Variants in SCML2 observed in about 807,000 individuals in gnomAD.
SCML2 encodes sex comb on midleg-like protein 2.
SCML2 carries 6 observed loss-of-function variants against 48.4 expected under a neutral mutation model. The ratio of observed to expected loss-of-function variants is 0.12; its 90% CI spans 0.07 to 0.24. The LOEUF is 0.24. Among genes scored for constraint, SCML2 ranks in the 10% least tolerant of loss-of-function variants. SCML2 has a pLI of 1.00. For missense variants in SCML2, 377 were observed against 528.2 expected, an observed-to-expected ratio of 0.71 and a Z score of 2.81; for synonymous variants, 181 against 189.5, an observed-to-expected ratio of 0.95 and a Z score of 0.37.
intron 1 of SCML2, chrX:18,341,409 TCAC>T (rs1423066702): frequency 8.8e-6 from 2 of 227,898 alleles, no homozygotes; most frequent in Non-Finnish European, 1.7e-5. Context: ...GGAGGAAGAA[TCAC>T]CACAAGATGG....
chrX:18,319,481 T>G (rs1929238117), intron 6 of SCML2, among the ~76,000 whole-genome samples: 2 of 107,793 alleles, frequency 1.9e-5, no homozygotes, highest in Non-Finnish European at 1.9e-5. Flanking sequence ...ACGCCTGTAG[T>G]CCCAGCTACT....
At chrX:18,298,250 C>A (rs755360813) in intron 7 of SCML2, among the ~76,000 whole-genome samples, 1 of 111,271 alleles carries the variant, frequency 9.0e-6, no homozygotes, top group East Asian at 2.8e-4. Context: ...TCACTCTTCA[C>A]AGAAATAGAA....
At chrX:18,332,531 A>C (rs775514951) in intron 2 of SCML2, among the ~76,000 whole-genome samples, 7 of 112,332 alleles carry the variant, frequency 6.2e-5, no homozygotes, top group Non-Finnish European at 1.3e-4. Context: ...AAATGATTTC[A>C]ACTGAGTGGT....
At chrX:18,298,985 A>C (rs1230425458) in intron 7 of SCML2, among the ~76,000 whole-genome samples, 1 of 111,807 alleles carries the variant, frequency 8.9e-6, no homozygotes, top group Non-Finnish European at 1.9e-5. Flanking sequence ...ACATTGGTCT[A>C]AGCAAAGATT....
intron 7 of SCML2, among the ~76,000 whole-genome samples, chrX:18,285,237 A>T (rs1928009791): frequency 9.1e-6 from 1 of 110,483 alleles, no homozygotes; most frequent in Non-Finnish European, 1.9e-5. Flanking sequence ...ATTATACCAA[A>T]AAGACACATG....
chrX:18,335,169 G>A (rs748639073), intron 1 of SCML2, among the ~76,000 whole-genome samples: 5 of 109,813 alleles, frequency 4.6e-5, no homozygotes, highest in Non-Finnish European at 7.6e-5. Flanking sequence ...GGTACTTACC[G>A]ACTCTCATCA....
chrX:18,328,619 C>T (rs1929559355), intron 3 of SCML2, among the ~76,000 whole-genome samples: 1 of 111,850 alleles, frequency 8.9e-6, no homozygotes, highest in Admixed American at 9.5e-5. Flanking sequence ...CTGCAATGAG[C>T]CATGATCATG....
intron 5 of SCML2, among the ~76,000 whole-genome samples, chrX:18,320,791 T>C (rs1015952456): frequency 3.6e-5 from 4 of 111,510 alleles, no homozygotes; most frequent in African/African-American, 1.3e-4. Context: ...CTAGCCCCCT[T>C]TTCCTCAGGG....
At chrX:18,265,343 A>T (rs1357376953) in intron 8 of SCML2, among the ~76,000 whole-genome samples, 2 of 112,403 alleles carry the variant, frequency 1.8e-5, no homozygotes, top group African/African-American at 6.5e-5. Context: ...AAATACACCC[A>T]TGTATTAATA....
At chrX:18,330,002 CGG>C (rs1929603666) in intron 3 of SCML2, among the ~76,000 whole-genome samples, 1 of 111,973 alleles carries the variant, frequency 8.9e-6, no homozygotes, top group East Asian at 2.8e-4. Context: ...CGCTTGAACC[CGG>C]AAGGTGGAGG....
At chrX:18,299,268 C>T (rs1482588014) in intron 7 of SCML2, among the ~76,000 whole-genome samples, 1 of 111,313 alleles carries the variant, frequency 9.0e-6, no homozygotes, top group Non-Finnish European at 1.9e-5. Context: ...ATTCCCAGCA[C>T]TTTGGGAGGC....
chrX:18,304,635 A>G (rs1928700307), intron 7 of SCML2, among the ~76,000 whole-genome samples: 1 of 112,211 alleles, frequency 8.9e-6, no homozygotes, highest in Admixed American at 9.4e-5. Context: ...TACCATGTAT[A>G]ATTTTTAATT....
At chrX:18,279,904 T>C (rs189669024) in intron 7 of SCML2, among the ~76,000 whole-genome samples, 15 of 112,161 alleles carry the variant, frequency 1.3e-4, no homozygotes, top group African/African-American at 3.6e-4. Context: ...CTAGCATTTC[T>C]GAGAGAGGAC....
chrX:18,244,549 C>T (rs1244444803), intron 13 of SCML2, among the ~76,000 whole-genome samples: 8 of 111,564 alleles, frequency 7.2e-5, no homozygotes, highest in Non-Finnish European at 1.3e-4. Context: ...ATTGGGCCTA[C>T]ATCTTCAAAA....
At chrX:18,342,906 T>C (rs1930063328) in intron 1 of SCML2, among the ~76,000 whole-genome samples, 2 of 111,266 alleles carry the variant, frequency 1.8e-5, no homozygotes, top group Non-Finnish European at 3.8e-5. Flanking sequence ...CTCAACACAA[T>C]TAAACAATGT....
At chrX:18,317,987 C>A (rs749355353) in intron 6 of SCML2, among the ~76,000 whole-genome samples, 1 of 111,329 alleles carries the variant, frequency 9.0e-6, no homozygotes, top group South Asian at 3.8e-4. Context: ...CTGCCCCCCA[C>A]CACATGAATT....
rs145408582 is a variant in SCML2 at position 18,303,395 on chromosome X, T to G, written c.730+1577A>C. On this transcript the variant is annotated intron_variant, in intron 7 of 14. Transcript: ENST00000251900. ...CGTCAGTTTTTAGGATAAACTGGAA[T>G]TTTGCACTTTTGTTATGTATCCATC... Among the ~76,000 whole-genome samples, 988 of 111,647 alleles carry G rather than the reference T, an allele frequency of 8.8e-3. 11 individuals carry two copies. Among genetic ancestry groups the G allele is most frequent in the African/African-American group, 0.03 (935 of 30,750 alleles).
At chrX:18,275,547 T>C (rs1478419882) in intron 7 of SCML2, among the ~76,000 whole-genome samples, 2 of 112,575 alleles carry the variant, frequency 1.8e-5, no homozygotes, top group Admixed American at 9.4e-5. Flanking sequence ...TATCTATCTG[T>C]CCCACCACAC....
At chrX:18,292,237 G>A (rs746095126) in intron 7 of SCML2, among the ~76,000 whole-genome samples, 1 of 111,615 alleles carries the variant, frequency 9.0e-6, no homozygotes, top group Admixed American at 9.5e-5. Context: ...TGAGGTTGGC[G>A]GAAATGGGTA....
Sources: gnomAD v4.1 joint callset for allele counts (sites outside exome capture counted in the v4.1 genomes callset) on GRCh38, gnomAD v4.1.1 for gene constraint, MANE v1.5 for transcripts, NCBI Gene and HGNC (gene_info 2026-07-23, HGNC 2026-07-21) for gene names.